Variants in WWP2 observed in about 807,000 individuals in gnomAD.
WWP2 encodes the protein WW domain containing E3 ubiquitin protein ligase 2.
Under a neutral mutation model 121.0 loss-of-function variants are expected in WWP2, and 57 were observed. That is an observed-to-expected ratio of 0.47 (90% CI 0.38 to 0.59). The LOEUF is 0.59. Among genes scored for constraint, WWP2 ranks in the 20% least tolerant of loss-of-function variants. The pLI, the probability that WWP2 is intolerant of heterozygous loss-of-function variation, is 0.00. For synonymous variants in WWP2, 449 were observed against 441.3 expected (o/e 1.02, Z -0.22); for missense variants, 962 against 1,158.9 (o/e 0.83, Z 2.47).
intron 4 of WWP2, among the ~76,000 whole-genome samples, chr16:69,825,478 G>A (rs1178662331): frequency 6.6e-6 from 1 of 151,724 alleles, no homozygotes; most frequent in Non-Finnish European, 1.5e-5. Context: ...CCATGGGAAA[G>A]GCTTTGGAAT....
At chr16:69,887,939 T>C in intron 7 of WWP2, 100 bp from the exon 8 acceptor site, 5 of 1,416,164 alleles carry the variant, frequency 3.5e-6, no homozygotes, top group African/African-American at 1.4e-5. Context: ...TAGTGTAACA[T>C]TGTAGATACC....
intron 6 of WWP2, among the ~76,000 whole-genome samples, chr16:69,857,788 G>C (rs1474261127): frequency 6.7e-6 from 1 of 149,968 alleles, no homozygotes; most frequent in Non-Finnish European, 1.5e-5. Flanking sequence ...CAGTCTCCCA[G>C]GTAGCTGAGA....
At chr16:69,770,970 T>TA (rs397942280) in intron 1 of WWP2, among the ~76,000 whole-genome samples, 5,933 of 135,278 alleles carry the variant, frequency 0.044, 142 homozygotes, top group African/African-American at 0.068. Flanking sequence ...CTGTCTCTAT[T>TA]AAAAAAAAAA....
chr16:69,798,937 CTACCTATGG>C, intron 3 of WWP2, 108 bp downstream of exon 3: 1 of 1,492,470 alleles, frequency 6.7e-7, no homozygotes, highest in Non-Finnish European at 9.0e-7. Flanking sequence ...CCGACTTTTT[CTACCTATGG>C]TACCCAAGGT....
intron 4 of WWP2, among the ~76,000 whole-genome samples, chr16:69,839,363 C>T (rs1293221330): frequency 6.6e-6 from 1 of 152,206 alleles, no homozygotes; most frequent in Non-Finnish European, 1.5e-5. Context: ...AGAAGCTATT[C>T]AGCACAGCCA....
At chr16:69,776,796 C>G (rs1461763454) in intron 1 of WWP2, among the ~76,000 whole-genome samples, 1 of 150,832 alleles carries the variant, frequency 6.6e-6, no homozygotes, top group African/African-American at 2.4e-5. Flanking sequence ...CCATTGCACT[C>G]CAGCCTGGGC....
intron 6 of WWP2, among the ~76,000 whole-genome samples, chr16:69,864,881 G>A (rs1256324518): frequency 6.6e-6 from 1 of 152,036 alleles, no homozygotes; most frequent in Non-Finnish European, 1.5e-5. Flanking sequence ...CAAAGTGTTG[G>A]GGTTACAGGC....
In WWP2 at chr16:69,819,831, A is replaced by T. The variant is rs1165225183; in HGVS notation, c.341-20295A>T. On this transcript the variant is annotated intron_variant, in intron 4 of 23. Coordinates refer to ENST00000359154, the MANE Select transcript of WWP2 (RefSeq NM_001270454.2). Reference sequence around the variant, plus strand: ...TTGCCATGAATTTTTCAATCGCCCCAGTGAGATCCTTTGTGCCCATTTATA... The same window carrying T: ...TTGCCATGAATTTTTCAATCGCCCCTGTGAGATCCTTTGTGCCCATTTATA... Among the ~76,000 whole-genome samples the T allele has an allele frequency of 2.0e-5, 3 of 152,218 alleles. No homozygotes were observed. In the East Asian group the frequency reaches 5.8e-4, roughly 29 times the overall value.
intron 4 of WWP2, among the ~76,000 whole-genome samples, chr16:69,819,608 A>G (rs79689829): frequency 0.019 from 2,949 of 152,242 alleles, 82 homozygotes; most frequent in African/African-American, 0.064. Flanking sequence ...GGATCTCACT[A>G]TGTTGACTAG....
chr16:69,929,302 A>T (rs564455808), intron 11 of WWP2, 146 bp from the exon 12 acceptor site: 2 of 668,946 alleles, frequency 3.0e-6, no homozygotes, highest in South Asian at 3.9e-5. Context: ...AGTGTGAGTG[A>T]GCTTGGCTTT....
In WWP2 at chr16:69,799,449, G is replaced by T; in HGVS notation, c.340+154G>T. 2.0e-6 allele frequency: 2 copies of T among 1,021,122 alleles called. No homozygotes were observed. The highest frequency in any genetic ancestry group is 1.7e-5 in the South Asian group (1 of 57,316). The allele number at this position is 1,021,122 out of a possible 1,614,324, so 63.3% of individuals were successfully genotyped here. ...CTTTGGAGTTTTGGGAAGGCTGAGGGCTCCTCTCTGCCTCCACTACAGAGT... is the reference window on the plus strand; with the variant it reads ...CTTTGGAGTTTTGGGAAGGCTGAGGTCTCCTCTCTGCCTCCACTACAGAGT... On this transcript the variant is annotated intron_variant, in intron 4 of 23. Coordinates refer to ENST00000359154, the MANE Select transcript of WWP2 (RefSeq NM_001270454.2). This position sits in a 1 kb window ranked among gnomAD's most constrained non-coding sequence, Gnocchi z 4.5.
rs571751303 is a variant in WWP2, at chr16:69,937,568, G to T, written c.2259G>T (p.Gln753His). ...KELELMLCGM[Q>H]EIDMSDWQKS... ...CCCAGCTGATGCTGTGCGGCATGCAGGAGATAGACATGAGCGACTGGCAGA... is the reference window on the plus strand; with the variant it reads ...CCCAGCTGATGCTGTGCGGCATGCATGAGATAGACATGAGCGACTGGCAGA... Residue 753 changes from glutamine (Q) to histidine (H), a missense_variant, in exon 21 of 24, where the codon CAG (glutamine) becomes CAT (histidine). Transcript: ENST00000359154. The surrounding 1 kb of genome is among the most constrained non-coding windows in gnomAD (Gnocchi z 6.6). 1.0e-4 allele frequency: 167 copies of T among 1,614,062 alleles called. No homozygotes were observed. The highest frequency in any genetic ancestry group is 1.3e-4 in the Non-Finnish European group (154 of 1,180,026).
rs1368037083 is a variant in WWP2, at chr16:69,798,704, G to T, written c.93G>T (p.Val31=). 6.2e-7 allele frequency: 1 copy of T among 1,613,878 alleles called. No homozygotes were observed. Among genetic ancestry groups the T allele is most frequent in the Non-Finnish European group, 8.5e-7 (1 of 1,179,998 alleles). The change falls in exon 3 of 24, where the codon GTG becomes GTT. Residue 31 remains valine (V), a synonymous_variant. Coordinates refer to ENST00000359154, the MANE Select transcript of WWP2 (RefSeq NM_001270454.2). The part of the protein sequence containing the change: ...TLKVVSAKPK[V]HNRQPRINSY... ...CAGTGGTGTCCGCAAAGCCCAAGGT[G>T]CATAATCGTCAACCTCGAATTAACT... is the stretch of plus-strand genomic sequence containing the variant.
At position 69,929,480 on chromosome 16, in the gene WWP2, G is replaced by A. The variant is rs773617409; in HGVS notation, c.1267G>A (p.Val423Met). The A allele has an allele frequency of 8.7e-6, 14 of 1,614,136 alleles. No individual in the cohort carries two copies. Among genetic ancestry groups the A allele is most frequent in the East Asian group, 4.5e-5 (2 of 44,874 alleles). ...ACAGGACAATGGACGGGTGTATTAC[G>A]TGAACCATAACACTCGCACGACCCA... ...KRQDNGRVYY[V>M]NHNTRTTQWE... is the part of the protein sequence containing the mutation. The change falls in exon 12 of 24, where the codon GTG (valine) becomes ATG (methionine). Residue 423 changes from valine (V) to methionine (M), a missense_variant. Transcript: ENST00000359154.
At chr16:69,931,089 A>G (rs1287325261) in intron 13 of WWP2, 63 bp from the exon 14 acceptor site, 1 of 1,553,804 alleles carries the variant, frequency 6.4e-7, no homozygotes, top group African/African-American at 1.4e-5. Flanking sequence ...TAGGGCTGAC[A>G]AAGACAAATT....
At chr16:69,934,780 C>G (rs1238160681) in intron 17 of WWP2, among the ~76,000 whole-genome samples, 1 of 151,330 alleles carries the variant, frequency 6.6e-6, no homozygotes, top group African/African-American at 2.4e-5. Context: ...ACAGGGCAGC[C>G]ACTGAGAAAG....
intron 4 of WWP2, among the ~76,000 whole-genome samples, chr16:69,818,226 G>T (rs1436624921): frequency 1.3e-5 from 2 of 151,216 alleles, no homozygotes; most frequent in Non-Finnish European, 2.9e-5. Flanking sequence ...TTATTTTTAT[G>T]AGATGGAGTC....
chr16:69,859,880 G>A (rs1329538883), intron 6 of WWP2, among the ~76,000 whole-genome samples: 7 of 56,330 alleles, frequency 1.2e-4, no homozygotes, highest in East Asian at 5.6e-4. Flanking sequence ...CCCCCGCCCC[G>A]CCCGATGATC....
chr16:69,889,146 TACAC>T (rs143311481), intron 8 of WWP2, among the ~76,000 whole-genome samples: 14 of 146,228 alleles, frequency 9.6e-5, no homozygotes, highest in East Asian at 2.0e-4. Flanking sequence ...ATATCCTGCC[TACAC>T]ACACACACAC....
Sources: allele counts gnomAD v4.1 joint callset (sites outside exome capture counted in the v4.1 genomes callset), GRCh38; gene constraint gnomAD v4.1.1; non-coding constraint Gnocchi (gnomAD v3.1); transcripts MANE v1.5; gene names NCBI Gene and HGNC (gene_info 2026-07-23, HGNC 2026-07-21).